MAPRE2: variants seen among roughly 807,000 people sequenced by gnomAD.
MAPRE2 encodes microtubule-associated protein RP/EB family member 2.
In MAPRE2, 13 loss-of-function variants were observed where a neutral mutation model predicts 43.2. The observed-to-expected ratio is 0.30, with a 90% confidence interval of 0.20 to 0.48. MAPRE2 has a LOEUF of 0.48. Among genes scored for constraint, MAPRE2 ranks in the 20% least tolerant of loss-of-function variants. The probability of loss-of-function intolerance (pLI) is 0.99; values close to 1 mark genes in which losing one functional copy is unlikely to be tolerated. For missense variants in MAPRE2, 161 were observed against 400.2 expected (o/e 0.40, Z 5.10); for synonymous variants, 135 against 148.8 (o/e 0.91, Z 0.68).
intron 6 of MAPRE2, 73 bp from the exon 7 acceptor site, chr18:35,140,222 G>C: frequency 7.5e-7 from 1 of 1,338,344 alleles, no homozygotes; most frequent in Non-Finnish European, 1.1e-6. Flanking sequence ...GCTGGCAGTG[G>C]CAATGGGCTG....
intron 2 of MAPRE2, among the ~76,000 whole-genome samples, chr18:35,033,679 A>T (rs1478894929): frequency 6.7e-6 from 1 of 150,354 alleles, no homozygotes; most frequent in Non-Finnish European, 1.5e-5. Flanking sequence ...AGGATACAAA[A>T]TCAATGTACA....
chr18:35,051,330 T>TG (rs763209035), intron 1 of MAPRE2, among the ~76,000 whole-genome samples: 1 of 152,122 alleles, frequency 6.6e-6, no homozygotes, highest in Non-Finnish European at 1.5e-5. Context: ...AGTCCCTTAA[T>TG]GGGGCCTGGA....
intron 3 of MAPRE2, among the ~76,000 whole-genome samples, chr18:35,100,690 A>G (rs1465358493): frequency 1.3e-5 from 2 of 152,212 alleles, no homozygotes; most frequent in Non-Finnish European, 2.9e-5. Context: ...TCTAGTAACT[A>G]TAATCTTTAT....
At chr18:35,061,295 A>G (rs1906511228) in intron 1 of MAPRE2, among the ~76,000 whole-genome samples, 1 of 152,332 alleles carries the variant, frequency 6.6e-6, no homozygotes, top group African/African-American at 2.4e-5. Context: ...AGATTCTTAC[A>G]TTGGTCTTCT....
chr18:35,123,163 C>G (rs1909763971), intron 4 of MAPRE2, among the ~76,000 whole-genome samples: 1 of 152,178 alleles, frequency 6.6e-6, no homozygotes, highest in South Asian at 2.1e-4. Context: ...AGGGGTTTGG[C>G]TTGCCATGAC....
chr18:35,037,807 T>G (rs373352975), upstream of MAPRE2, among the ~76,000 whole-genome samples: 61 of 152,284 alleles, frequency 4.0e-4, no homozygotes, highest in African/African-American at 1.2e-3. Flanking sequence ...CTTCATCTCT[T>G]GGGTGACTAT....
At chr18:35,077,962 G>A (rs1907451698) in intron 2 of MAPRE2, among the ~76,000 whole-genome samples, 1 of 152,152 alleles carries the variant, frequency 6.6e-6, no homozygotes, top group Non-Finnish European at 1.5e-5. Context: ...TGATGGATAT[G>A]TTCCTTATAA....
intron 2 of MAPRE2, among the ~76,000 whole-genome samples, chr18:35,077,883 G>C (rs1294988682): frequency 6.6e-6 from 1 of 152,046 alleles, no homozygotes; most frequent in Non-Finnish European, 1.5e-5. Context: ...ATCTTAACAA[G>C]AAAAAGATTT....
intron 2 of MAPRE2, among the ~76,000 whole-genome samples, chr18:35,031,348 T>C (rs1191235754): frequency 6.6e-6 from 1 of 152,260 alleles, no homozygotes; most frequent in Non-Finnish European, 1.5e-5. Flanking sequence ...TCCCCAGGCC[T>C]GACTACTTTC....
intron 1 of MAPRE2, among the ~76,000 whole-genome samples, chr18:34,999,743 T>C (rs913433711): frequency 2.0e-5 from 3 of 152,206 alleles, no homozygotes; most frequent in African/African-American, 7.2e-5. Flanking sequence ...GTACCAGACT[T>C]AACCCAAGAT....
At chr18:34,995,710 A>G (rs1239573571) in intron 1 of MAPRE2, among the ~76,000 whole-genome samples, 2 of 152,102 alleles carry the variant, frequency 1.3e-5, no homozygotes, top group East Asian at 1.9e-4. Flanking sequence ...GGTCTAAGCT[A>G]TATGTTTGTG....
chr18:35,059,564 T>C (rs1906414372), intron 1 of MAPRE2, among the ~76,000 whole-genome samples: 1 of 152,206 alleles, frequency 6.6e-6, no homozygotes, highest in Non-Finnish European at 1.5e-5. Context: ...TCTGCCTTCA[T>C]AGAGCTTACA....
At chr18:35,125,396 A>G (rs1909863645) in intron 4 of MAPRE2, among the ~76,000 whole-genome samples, 1 of 152,262 alleles carries the variant, frequency 6.6e-6, no homozygotes, top group Admixed American at 6.5e-5. Flanking sequence ...CGCATCACTA[A>G]AAGTTTTATT....
intron 1 of MAPRE2, among the ~76,000 whole-genome samples, chr18:35,063,844 A>G (rs1906682768): frequency 6.6e-6 from 1 of 151,870 alleles, no homozygotes; most frequent in African/African-American, 2.4e-5. Flanking sequence ...CAAAAAAATG[A>G]AAAGTAAGCT....
rs772334901 is a variant in MAPRE2, at chr18:35,097,433, T to C, written c.251-13T>C. The C allele has an allele frequency of 6.2e-7, 1 of 1,612,884 alleles. No homozygotes were observed. Among genetic ancestry groups the C allele is most frequent in the African/African-American group, 1.3e-5 (1 of 74,892 alleles). The stretch of plus-strand genomic sequence containing the variant: ...GTGAGACTCACTCCAGTACTGTTCT[T>C]GTTTCTTTCCAGGAGCGGCCTATTG... On this transcript the variant is annotated splice_polypyrimidine_tract_variant and intron_variant, in intron 2 of 6. Coordinates refer to ENST00000300249, the MANE Select transcript of MAPRE2 (RefSeq NM_014268.4).
chr18:35,083,850 T>TA (rs1301640739), intron 2 of MAPRE2, among the ~76,000 whole-genome samples: 1 of 152,224 alleles, frequency 6.6e-6, no homozygotes. Context: ...AAAATGTTGA[T>TA]ACCTAAATCT....
chr18:35,110,490 A>G (rs1909129106), intron 4 of MAPRE2, among the ~76,000 whole-genome samples: 1 of 152,130 alleles, frequency 6.6e-6, no homozygotes, highest in Non-Finnish European at 1.5e-5. Flanking sequence ...TATCTATTGT[A>G]GAGAAATTAC....
chr18:35,041,418 G>A lies in MAPRE2; in HGVS notation c.-122G>A, dbSNP rs1905353277. 5 of 1,560,782 alleles carry A rather than the reference G, an allele frequency of 3.2e-6. No homozygotes were observed. The highest frequency in any genetic ancestry group is 2.7e-5 in the African/African-American group (2 of 73,610). ...GGGGCGCGAGCGAGAGCTGGGAGAAGGCAGTGAGCGAGCAGGCGGCAGGCA... is the reference window on the plus strand; with the variant it reads ...GGGGCGCGAGCGAGAGCTGGGAGAAAGCAGTGAGCGAGCAGGCGGCAGGCA... On this transcript the variant is annotated 5_prime_UTR_variant, in exon 1 of 7. Coordinates refer to ENST00000300249, the MANE Select transcript of MAPRE2 (RefSeq NM_014268.4).
intron 4 of MAPRE2, among the ~76,000 whole-genome samples, chr18:35,112,102 T>C (rs1441578436): frequency 5.9e-5 from 9 of 152,198 alleles, no homozygotes; most frequent in Admixed American, 5.9e-4. Flanking sequence ...AGCCCCATAA[T>C]TAGCAAGACT....
Sources: allele counts gnomAD v4.1 joint callset (sites outside exome capture counted in the v4.1 genomes callset), GRCh38; gene constraint gnomAD v4.1.1; transcripts MANE v1.5; gene names NCBI Gene and HGNC (gene_info 2026-07-23, HGNC 2026-07-21).